Variants in ANKS1B observed in about 807,000 individuals in gnomAD.
ANKS1B encodes ankyrin repeat and sterile alpha motif domain containing 1B, also known as ankyrin repeat and sterile alpha motif domain-containing protein 1B.
Under a neutral mutation model 148.3 loss-of-function variants are expected in ANKS1B, and 36 were observed. That is an observed-to-expected ratio of 0.24 (90% CI 0.19 to 0.32). The LOEUF (loss-of-function observed/expected upper bound fraction) is 0.32, where lower values mean the gene tolerates loss of function less well. Among genes scored for constraint, ANKS1B ranks in the 10% least tolerant of loss-of-function variants. The pLI is 1.00. For synonymous variants in ANKS1B, 542 were observed against 560.8 expected, an observed-to-expected ratio of 0.97 and a Z score of 0.47; for missense variants, 1,157 against 1,542.6, an observed-to-expected ratio of 0.75 and a Z score of 4.19.
At chr12:99,141,116 T>A (rs1033605628) in intron 15 of ANKS1B, among the ~76,000 whole-genome samples, 3 of 152,104 alleles carry the variant, frequency 2.0e-5, no homozygotes. Context: ...TCTTTTCCAA[T>A]ATCAATACCT....
Position 98,801,177 on chromosome 12 carries a change from TCCCTGTAGCTA to T in ANKS1B, c.3142-63_3142-53del. On this transcript the variant is annotated intron_variant, in intron 20 of 26. Coordinates refer to ENST00000683438, the MANE Select transcript of ANKS1B (RefSeq NM_001352186.2). This position sits in a 1 kb window ranked among gnomAD's most constrained non-coding sequence, Gnocchi z 5.2. ...AATATGAGCAGTCAGCAAAGTTCATTCCCTGTAGCTACCCTGAGCTCACCTTACACACAGGT... is the reference window on the plus strand; with the variant it reads ...AATATGAGCAGTCAGCAAAGTTCATTCCCTGAGCTCACCTTACACACAGGT... 1 of 1,595,322 alleles carries T rather than the reference TCCCTGTAGCTA, an allele frequency of 6.3e-7. No individual in the cohort carries two copies. The highest frequency in any genetic ancestry group is 1.1e-5 in the South Asian group (1 of 87,874).
At chr12:99,479,761 A>C (rs2152930046) in intron 10 of ANKS1B, among the ~76,000 whole-genome samples, 1 of 152,056 alleles carries the variant, frequency 6.6e-6, no homozygotes, top group Non-Finnish European at 1.5e-5. Flanking sequence ...TGTTAGTCGA[A>C]AGGAGAATGT....
At chr12:99,319,409 C>G (rs1183115130) in intron 12 of ANKS1B, among the ~76,000 whole-genome samples, 2 of 152,126 alleles carry the variant, frequency 1.3e-5, no homozygotes, top group African/African-American at 2.4e-5. Flanking sequence ...GAATTGATCC[C>G]TTTACCATTA....
At chr12:99,096,275 G>C (rs4762550) in intron 15 of ANKS1B, among the ~76,000 whole-genome samples, 11,967 of 152,082 alleles carry the variant, frequency 0.079, 1,148 homozygotes, top group African/African-American at 0.22. Flanking sequence ...GGCGATTATT[G>C]AAAGAGTTGA....
chr12:99,396,378 C>T (rs949584377), intron 12 of ANKS1B, among the ~76,000 whole-genome samples: 3 of 152,212 alleles, frequency 2.0e-5, no homozygotes, highest in Admixed American at 1.3e-4. Flanking sequence ...AGTACAAATG[C>T]CTTCCTTACA....
chr12:98,997,713 T>G (rs2099930556), intron 17 of ANKS1B, among the ~76,000 whole-genome samples: 1 of 152,134 alleles, frequency 6.6e-6, no homozygotes, highest in Admixed American at 6.5e-5. Context: ...TTTTTAAACA[T>G]TTAACTGGAA....
intron 17 of ANKS1B, among the ~76,000 whole-genome samples, chr12:98,848,799 C>A (rs904217093): frequency 1.5e-5 from 2 of 129,576 alleles, no homozygotes; most frequent in African/African-American, 5.7e-5. Flanking sequence ...AGTGCAATGG[C>A]GTGATCTTGG....
At chr12:99,827,050 T>C (rs2083289822) in intron 1 of ANKS1B, among the ~76,000 whole-genome samples, 1 of 151,776 alleles carries the variant, frequency 6.6e-6, no homozygotes, top group Non-Finnish European at 1.5e-5. Flanking sequence ...GCCTGGGAGG[T>C]CGAGGCTGCA....
chr12:99,696,147 T>A (rs1282547872), intron 8 of ANKS1B, among the ~76,000 whole-genome samples: 1 of 152,206 alleles, frequency 6.6e-6, no homozygotes, highest in Non-Finnish European at 1.5e-5. Context: ...AGTAGATTCA[T>A]AAATTTCACA....
At chr12:99,286,388 A>G (rs2079118677) in intron 12 of ANKS1B, among the ~76,000 whole-genome samples, 2 of 151,914 alleles carry the variant, frequency 1.3e-5, no homozygotes, top group African/African-American at 4.8e-5. Context: ...TGGGCCTTGA[A>G]TGAACATGAG....
chr12:98,842,363 T>A (rs1595231014), intron 17 of ANKS1B, among the ~76,000 whole-genome samples: 1 of 152,218 alleles, frequency 6.6e-6, no homozygotes, highest in East Asian at 1.9e-4. Context: ...TTTACATGAG[T>A]TTCTAGACAG....
chr12:99,348,679 C>A (rs1330474041), intron 12 of ANKS1B, among the ~76,000 whole-genome samples: 1 of 151,730 alleles, frequency 6.6e-6, no homozygotes, highest in African/African-American at 2.4e-5. Context: ...TAAATTAAGA[C>A]CTATATTAAG....
intron 12 of ANKS1B, among the ~76,000 whole-genome samples, chr12:99,322,076 T>C (rs2085384444): frequency 6.6e-6 from 1 of 152,186 alleles, no homozygotes; most frequent in Non-Finnish European, 1.5e-5. Flanking sequence ...ATTGCAGCAC[T>C]ATTTACAATA....
intron 12 of ANKS1B, among the ~76,000 whole-genome samples, chr12:99,249,511 A>C (rs917295329): frequency 3.3e-5 from 5 of 152,220 alleles, no homozygotes; most frequent in Non-Finnish European, 7.3e-5. Context: ...AGCAGTTCTT[A>C]GCATTGTGAT....
intron 8 of ANKS1B, among the ~76,000 whole-genome samples, chr12:99,706,802 C>A (rs2055855855): frequency 6.6e-6 from 1 of 152,056 alleles, no homozygotes; most frequent in African/African-American, 2.4e-5. Context: ...GGGAGGCTTA[C>A]AAACTGAGGC....
rs1182264550 is a variant in ANKS1B, at chr12:98,769,165, C to CTTTTTTTTTTTTTTT, written c.3579+3862_3579+3876dup. On this transcript the variant is annotated intron_variant, in intron 25 of 26. Coordinates refer to ENST00000683438, the MANE Select transcript of ANKS1B (RefSeq NM_001352186.2). The stretch of plus-strand genomic sequence containing the variant: ...TTGAGGTATTATAGGGTCTTCTTTA[C>CTTTTTTTTTTTTTTT]TTTTTTTTTTTTTTTTTTTTTTTTT... Among the ~76,000 whole-genome samples, 120 of 41,240 alleles carry CTTTTTTTTTTTTTTT rather than the reference C, an allele frequency of 2.9e-3. 29 individuals carry two copies. Among genetic ancestry groups the CTTTTTTTTTTTTTTT allele is most frequent in the East Asian group, 6.4e-3 (5 of 782 alleles). The allele number at this position is 41,240 out of a possible 152,430, so 27.1% of individuals were successfully genotyped here.
At chr12:99,134,628 GTC>G (rs773301655) in intron 15 of ANKS1B, among the ~76,000 whole-genome samples, 1,172 of 112,386 alleles carry the variant, frequency 0.01, 14 homozygotes, top group Middle Eastern at 0.022. Context: ...ATCCCTTTCT[GTC>G]TCTCTCTCTC....
chr12:99,874,728 G>A (rs1374302698), intron 1 of ANKS1B, among the ~76,000 whole-genome samples: 1 of 152,168 alleles, frequency 6.6e-6, no homozygotes, highest in African/African-American at 2.4e-5. Flanking sequence ...GACAGGCCTG[G>A]TGTCAACTGC....
intron 26 of ANKS1B, among the ~76,000 whole-genome samples, chr12:98,748,480 C>A (rs986345778): frequency 1.3e-5 from 2 of 152,194 alleles, no homozygotes; most frequent in African/African-American, 4.8e-5. Context: ...GGTCTGCCTG[C>A]CCTGTCCTAG....
Sources: gnomAD v4.1 joint callset for allele counts (sites outside exome capture counted in the v4.1 genomes callset) on GRCh38, gnomAD v4.1.1 for gene constraint, Gnocchi (gnomAD v3.1) non-coding constraint, MANE v1.5 for transcripts, NCBI Gene and HGNC (gene_info 2026-07-23, HGNC 2026-07-21) for gene names.